The following PTBP2 variants were observed in gnomAD, a reference collection of about 807,000 sequenced individuals.
PTBP2 encodes polypyrimidine tract-binding protein 2.
In PTBP2, 13 loss-of-function variants were observed where a neutral mutation model predicts 61.4. The observed-to-expected ratio is 0.21, with a 90% CI of 0.14 to 0.34. The LOEUF (loss-of-function observed/expected upper bound fraction) is 0.34, where lower values mean the gene tolerates loss of function less well. Ranked by LOEUF, PTBP2 falls within the 10% of genes least tolerant of loss-of-function variation. The pLI is 1.00. For missense variants in PTBP2, 405 were observed against 642.6 expected (o/e 0.63, Z 4.00); for synonymous variants, 215 against 218.5 (o/e 0.98, Z 0.14).
chr1:96,762,830 C>T (rs1226415002), intron 3 of PTBP2, among the ~76,000 whole-genome samples: 1 of 151,210 alleles, frequency 6.6e-6, no homozygotes, highest in African/African-American at 2.4e-5. Flanking sequence ...GATGGGGCGG[C>T]TGCTGGGCGG....
At chr1:96,783,517 T>C (rs558099709) in intron 7 of PTBP2, among the ~76,000 whole-genome samples, 2 of 152,164 alleles carry the variant, frequency 1.3e-5, no homozygotes, top group East Asian at 1.9e-4. Context: ...AGTGTGTGTT[T>C]AGTAATTTTG....
At chr1:96,745,352 C>T (rs187884345) in intron 2 of PTBP2, among the ~76,000 whole-genome samples, 2 of 152,080 alleles carry the variant, frequency 1.3e-5, no homozygotes, top group East Asian at 1.9e-4. Context: ...TTAGTAGAGA[C>T]GGGGTTTCAC....
At chr1:96,791,567 T>TA (rs1659794791) in intron 8 of PTBP2, among the ~76,000 whole-genome samples, 2 of 152,258 alleles carry the variant, frequency 1.3e-5, no homozygotes. Flanking sequence ...TAGACTTTTC[T>TA]AAAACGAAAC....
In PTBP2 at chr1:96,808,617, A is replaced by C. The variant is rs138307389; in HGVS notation, c.1171+1659A>C. Among the ~76,000 whole-genome samples the C allele has an allele frequency of 6.3e-3, 954 of 152,330 alleles. 3 individuals carry two copies. The highest frequency in any genetic ancestry group is 8.8e-3 in the Non-Finnish European group (601 of 68,030). ...TTAATAGTACTTAAATTTGTAAATC[A>C]TTTATCCCAAATTTTATAAGATATT... On this transcript the variant is annotated intron_variant, in intron 11 of 13. Transcript: ENST00000674951.
intron 2 of PTBP2, among the ~76,000 whole-genome samples, chr1:96,737,100 C>T (rs2100834581): frequency 6.6e-6 from 1 of 152,102 alleles, no homozygotes; most frequent in Non-Finnish European, 1.5e-5. Context: ...CTGCCTCAGC[C>T]TCCCGAGTAG....
At chr1:96,794,842 A>G (rs1300995041) in intron 8 of PTBP2, among the ~76,000 whole-genome samples, 1 of 152,194 alleles carries the variant, frequency 6.6e-6, no homozygotes, top group Non-Finnish European at 1.5e-5. Flanking sequence ...AGTATATGTC[A>G]TGTTTTAGGT....
chr1:96,757,679 T>A lies in PTBP2; in HGVS notation c.115+6179T>A, dbSNP rs981419561. Among the ~76,000 whole-genome samples, 14 of 152,290 alleles carry A rather than the reference T, an allele frequency of 9.2e-5. No individual in the cohort carries two copies. In the South Asian group the frequency reaches 2.7e-3, roughly 29 times the overall value. ...AACATTCACAATGATAGACCTTATA[T>A]TGGATTATAAAATAACTCAATAAAT... On this transcript the variant is annotated intron_variant, in intron 3 of 13. Coordinates refer to ENST00000674951, the MANE Select transcript of PTBP2 (RefSeq NM_021190.4).
intron 3 of PTBP2, among the ~76,000 whole-genome samples, chr1:96,757,350 A>G (rs76442136): frequency 0.038 from 5,753 of 152,324 alleles, 166 homozygotes; most frequent in Non-Finnish European, 0.058. Context: ...AAATATTACC[A>G]GATATAAAAA....
chr1:96,763,254 C>T (rs888359442), intron 3 of PTBP2, among the ~76,000 whole-genome samples: 2 of 152,058 alleles, frequency 1.3e-5, no homozygotes, highest in African/African-American at 2.4e-5. Flanking sequence ...TGTAACGAGC[C>T]GAGATCACGC....
intron 3 of PTBP2, among the ~76,000 whole-genome samples, chr1:96,752,285 A>G (rs1654648722): frequency 6.6e-6 from 1 of 152,038 alleles, no homozygotes; most frequent in African/African-American, 2.4e-5. Flanking sequence ...TTTACCTGAA[A>G]CCAAAGTTCC....
At chr1:96,780,786 G>A (rs1658566367) in intron 7 of PTBP2, among the ~76,000 whole-genome samples, 2 of 151,990 alleles carry the variant, frequency 1.3e-5, no homozygotes, top group South Asian at 2.1e-4. Context: ...TAAGAACCTG[G>A]CGGACTAATG....
chr1:96,766,544 T>A (rs1656737013), intron 3 of PTBP2, among the ~76,000 whole-genome samples: 2 of 152,192 alleles, frequency 1.3e-5, no homozygotes, highest in African/African-American at 4.8e-5. Flanking sequence ...AAGCTAATGT[T>A]TCCATTTTTG....
At chr1:96,798,364 C>T (rs759597609) in intron 8 of PTBP2, among the ~76,000 whole-genome samples, 4 of 152,096 alleles carry the variant, frequency 2.6e-5, no homozygotes, top group Non-Finnish European at 4.4e-5. Context: ...TGAGATCATG[C>T]CATTGCACTC....
chr1:96,724,625 T>C (rs1650120205), intron 2 of PTBP2, among the ~76,000 whole-genome samples: 1 of 148,032 alleles, frequency 6.8e-6, no homozygotes. Flanking sequence ...CTTAGTCCAG[T>C]GATGCTGACT....
chr1:96,747,887 CT>C (rs202057166), intron 2 of PTBP2, among the ~76,000 whole-genome samples: 16 of 147,850 alleles, frequency 1.1e-4, no homozygotes, highest in Admixed American at 6.7e-5. Flanking sequence ...ATTTCATTGT[CT>C]TTTTTTTTTA....
intron 5 of PTBP2, among the ~76,000 whole-genome samples, chr1:96,771,754 T>G (rs1253139244): frequency 6.6e-6 from 1 of 152,156 alleles, no homozygotes; most frequent in East Asian, 1.9e-4. Context: ...AACAAATAAT[T>G]GTTTATACTT....
chr1:96,821,483 T>TA (rs904118448), exon 14 of PTBP2: 9 of 151,950 alleles, frequency 5.9e-5, no homozygotes, highest in Non-Finnish European at 1.2e-4. Context: ...TGCTTTCAAG[T>TA]AAAATAGCTC....
chr1:96,791,570 A>G (rs1206637104), intron 8 of PTBP2, among the ~76,000 whole-genome samples: 1 of 152,150 alleles, frequency 6.6e-6, no homozygotes, highest in African/African-American at 2.4e-5. Context: ...ACTTTTCTAA[A>G]ACGAAACCCC....
intron 5 of PTBP2, among the ~76,000 whole-genome samples, chr1:96,773,123 CAAAAAA>C (rs563241972): frequency 4.1e-4 from 36 of 88,260 alleles, no homozygotes; most frequent in East Asian, 9.4e-4. Flanking sequence ...GACTCTATCT[CAAAAAA>C]AAAAAAAAAA....
Sources: gnomAD v4.1 joint callset for allele counts (sites outside exome capture counted in the v4.1 genomes callset) on GRCh38, gnomAD v4.1.1 for gene constraint, MANE v1.5 for transcripts, NCBI Gene and HGNC (gene_info 2026-07-23, HGNC 2026-07-21) for gene names.